The following CEP63 variants were observed in gnomAD, a reference collection of about 807,000 sequenced individuals.
CEP63 encodes the protein centrosomal protein of 63 kDa.
In CEP63, 84 loss-of-function variants were observed where a neutral mutation model predicts 89.1. The observed-to-expected ratio is 0.94, with a 90% CI of 0.79 to 1.13. The LOEUF is 1.13. Ranked by LOEUF, CEP63 falls within the 50% of genes most tolerant of loss-of-function variation. The pLI, the probability that CEP63 is intolerant of heterozygous loss-of-function variation, is 0.00. For synonymous variants in CEP63, 267 were observed against 272.5 expected, an observed-to-expected ratio of 0.98 and a Z score of 0.20; for missense variants, 838 against 813.3, an observed-to-expected ratio of 1.03 and a Z score of -0.37.
chr3:134,565,090 A>C, downstream of CEP63: 2 of 399,092 alleles, frequency 5.0e-6, no homozygotes, highest in Non-Finnish European at 6.8e-6. Context: ...GGGTACCCAA[A>C]TGAGATGAAA....
At chr3:134,745,164 T>C in the CEP63 span, among the ~76,000 whole-genome samples, 1 of 152,300 alleles carries the variant, frequency 6.6e-6, no homozygotes, top group East Asian at 1.9e-4. Context: ...ACCATTAAAC[T>C]TGGATGATCA....
chr3:134,669,449 T>C, the CEP63 span, among the ~76,000 whole-genome samples: 3 of 152,182 alleles, frequency 2.0e-5, no homozygotes, highest in African/African-American at 7.2e-5. Context: ...TCCAGAAGTC[T>C]GGCAGTGCAG....
the CEP63 span, among the ~76,000 whole-genome samples, chr3:134,648,200 C>T: frequency 6.6e-6 from 1 of 152,208 alleles, no homozygotes; most frequent in East Asian, 1.9e-4. Context: ...TTCAGTGCTC[C>T]TTGGTGGCCG....
rs780691730 is a variant in CEP63, at chr3:134,584,956, G to GTTTTTT, written c.1207-2489_1207-2484dup. ...ATCCATTTCTTCTAGATTTTCTAGGGTTTTTTTTTTTTTTTTTTGCATGGA... is the reference window on the plus strand; with the variant it reads ...ATCCATTTCTTCTAGATTTTCTAGGGTTTTTTTTTTTTTTTTTTTTTTTTGCATGGA... On this transcript the variant is annotated intron_variant, in intron 10 of 10. Transcript: ENST00000683931. 2.1e-3 allele frequency among the ~76,000 whole-genome samples: 77 copies of GTTTTTT among 35,998 alleles called. 5 individuals are homozygous for GTTTTTT. Among genetic ancestry groups the GTTTTTT allele is most frequent in the Non-Finnish European group, 2.8e-3 (49 of 17,434 alleles). The allele number at this position is 35,998 out of a possible 152,430, so 23.6% of individuals were successfully genotyped here. A position where few individuals can be genotyped will look rare whatever the true frequency, so the allele number is the denominator to read the frequency against.
intron 10 of CEP63, among the ~76,000 whole-genome samples, chr3:134,584,956 GTTT>G (rs780691730): frequency 1.7e-4 from 6 of 36,038 alleles, no homozygotes; most frequent in African/African-American, 5.1e-4. Context: ...ATTTTCTAGG[GTTT>G]TTTTTTTTTT....
chr3:134,497,133 TGTTGA>T (rs748337680), intron 2 of CEP63, among the ~76,000 whole-genome samples: 27 of 152,316 alleles, frequency 1.8e-4, no homozygotes, highest in Non-Finnish European at 3.2e-4. Flanking sequence ...GTTTTTTTGC[TGTTGA>T]GTTGTTTTTC....
chr3:134,635,237 C>G, the CEP63 span, among the ~76,000 whole-genome samples: 1 of 152,168 alleles, frequency 6.6e-6, no homozygotes, highest in Non-Finnish European at 1.5e-5. Context: ...TGGCTCATGC[C>G]TGTAATCCCA....
chr3:134,492,641 C>T (rs1301128133), intron 1 of CEP63, among the ~76,000 whole-genome samples: 6 of 141,898 alleles, frequency 4.2e-5, no homozygotes, highest in African/African-American at 1.6e-4. Context: ...AGCAATATTT[C>T]TTATGTGACT....
At chr3:134,532,946 C>T (rs557899979) in intron 5 of CEP63, 46 bp downstream of exon 5, 24 of 1,605,198 alleles carry the variant, frequency 1.5e-5, no homozygotes, top group South Asian at 8.8e-5. Context: ...TCAGCCTTCA[C>T]GTAGGAAAAT....
chr3:134,673,799 T>C, the CEP63 span, among the ~76,000 whole-genome samples: 1 of 152,068 alleles, frequency 6.6e-6, no homozygotes, highest in Non-Finnish European at 1.5e-5. Context: ...GGCACACCAT[T>C]CTCTCCCTTC....
At chr3:134,596,439 G>A in the CEP63 span, among the ~76,000 whole-genome samples, 2 of 152,148 alleles carry the variant, frequency 1.3e-5, no homozygotes, top group Admixed American at 1.3e-4. Context: ...CTCCTCCAGG[G>A]TGGTTACTTC....
chr3:134,528,361 C>T (rs9863786), intron 3 of CEP63, among the ~76,000 whole-genome samples: 1 of 151,968 alleles, frequency 6.6e-6, no homozygotes, highest in African/African-American at 2.4e-5. Context: ...TTTTCTCCCC[C>T]GTTCTTTGTC....
At chr3:134,495,437 C>T (rs1939488415) in intron 2 of CEP63, 73 bp downstream of exon 2, 1 of 913,640 alleles carries the variant, frequency 1.1e-6, no homozygotes, top group Admixed American at 1.7e-5. Flanking sequence ...TCACATGATA[C>T]TTTGATACAT....
chr3:134,605,187 ACAGGTGGTCAGTT>A, the CEP63 span, among the ~76,000 whole-genome samples: 17 of 151,998 alleles, frequency 1.1e-4, no homozygotes, highest in East Asian at 2.7e-3. Flanking sequence ...ATTTTGAGGG[ACAGGTGGTCAGTT>A]CTCCAGTCTT....
chr3:134,676,315 A>G, the CEP63 span, among the ~76,000 whole-genome samples: 1 of 152,240 alleles, frequency 6.6e-6, no homozygotes, highest in Admixed American at 6.5e-5. Context: ...TGCTGTGTGA[A>G]AAGAACCAAT....
the CEP63 span, chr3:134,650,922 G>T: frequency 1.9e-5 from 31 of 1,613,258 alleles, no homozygotes; most frequent in Non-Finnish European, 2.5e-5. Flanking sequence ...TCAGCAGCAT[G>T]TCGATAGATA....
chr3:134,594,640 T>C, the CEP63 span, among the ~76,000 whole-genome samples: 1 of 152,234 alleles, frequency 6.6e-6, no homozygotes, highest in Non-Finnish European at 1.5e-5. Flanking sequence ...TACACTGCTG[T>C]GCATATGCTT....
At chr3:134,550,364 G>A in intron 11 of CEP63, 104 bp downstream of exon 11, 1 of 1,123,262 alleles carries the variant, frequency 8.9e-7, no homozygotes, top group Non-Finnish European at 1.3e-6. Context: ...ATTTTTATTA[G>A]ATACCTGCTT....
chr3:134,536,268 GT>G (rs1304376881), intron 5 of CEP63: 1 of 152,230 alleles, frequency 6.6e-6, no homozygotes, highest in East Asian at 1.9e-4. Flanking sequence ...GTTTTTGTTT[GT>G]TTTGTTAAGT....
Sources: gnomAD v4.1 joint callset for allele counts (sites outside exome capture counted in the v4.1 genomes callset) on GRCh38, gnomAD v4.1.1 for gene constraint, MANE v1.5 for transcripts, NCBI Gene and HGNC (gene_info 2026-07-23, HGNC 2026-07-21) for gene names.